Variants in ZDHHC20 observed in about 807,000 individuals in gnomAD.
ZDHHC20 encodes zDHHC palmitoyltransferase 20, also known as palmitoyltransferase ZDHHC20.
In ZDHHC20, 43 loss-of-function variants were observed where a neutral mutation model predicts 57.8. The ratio of observed to expected loss-of-function variants is 0.74; its 90% confidence interval spans 0.58 to 0.96. The LOEUF is 0.96. ZDHHC20 is among the 40% of genes least tolerant of loss of function. ZDHHC20 has a pLI of 0.00. For synonymous variants in ZDHHC20, 157 were observed against 153.0 expected (o/e 1.03, Z -0.19); for missense variants, 391 against 441.1 (o/e 0.89, Z 1.02).
intron 1 of ZDHHC20, among the ~76,000 whole-genome samples, chr13:21,448,262 C>A (rs1240002816): frequency 1.2e-5 from 1 of 82,988 alleles, no homozygotes; most frequent in Non-Finnish European, 3.1e-5. Context: ...CCGGCCGCCC[C>A]TACTGGGAAG....
At chr13:21,443,833 T>C (rs1566112787) in intron 1 of ZDHHC20, among the ~76,000 whole-genome samples, 1 of 152,230 alleles carries the variant, frequency 6.6e-6, no homozygotes, top group Non-Finnish European at 1.5e-5. Flanking sequence ...CTTCCACATG[T>C]GGCTATAGAT....
chr13:21,398,728 A>G (rs889077329), intron 7 of ZDHHC20, among the ~76,000 whole-genome samples: 2 of 152,238 alleles, frequency 1.3e-5, no homozygotes, highest in Non-Finnish European at 2.9e-5. Context: ...ATAAACATAG[A>G]AAGAACAGTG....
intron 7 of ZDHHC20, among the ~76,000 whole-genome samples, chr13:21,393,258 T>G (rs1417149774): frequency 1.3e-5 from 2 of 151,950 alleles, no homozygotes; most frequent in Non-Finnish European, 2.9e-5. Flanking sequence ...ATCCCAGTAC[T>G]TTGGGAGGCG....
chr13:21,382,284 T>C (rs1241309314), intron 10 of ZDHHC20, among the ~76,000 whole-genome samples: 1 of 152,198 alleles, frequency 6.6e-6, no homozygotes, highest in African/African-American at 2.4e-5. Flanking sequence ...AATATTAATA[T>C]GCTAGCTTAG....
intron 5 of ZDHHC20, 143 bp downstream of exon 5, chr13:21,402,654 C>G: frequency 1.6e-6 from 1 of 625,602 alleles, no homozygotes; most frequent in Middle Eastern, 2.6e-4. Context: ...ATATTTTTGT[C>G]TGCCCTGTAT....
At chr13:21,408,708 T>G (rs1447611655) in intron 4 of ZDHHC20, among the ~76,000 whole-genome samples, 2 of 152,222 alleles carry the variant, frequency 1.3e-5, no homozygotes, top group Admixed American at 6.5e-5. Context: ...AAGGGAATGC[T>G]TCCAGCTTTT....
At chr13:21,384,775 C>G (rs562714153) in intron 9 of ZDHHC20, among the ~76,000 whole-genome samples, 7 of 152,132 alleles carry the variant, frequency 4.6e-5, no homozygotes, top group Non-Finnish European at 1.0e-4. Flanking sequence ...CACTACAGAA[C>G]GTAATACTCT....
chr13:21,437,465 T>C (rs1593265711), intron 1 of ZDHHC20, among the ~76,000 whole-genome samples: 1 of 152,180 alleles, frequency 6.6e-6, no homozygotes. Flanking sequence ...AGAGGTCACC[T>C]AGAACTTTCC....
chr13:21,413,847 C>A, intron 3 of ZDHHC20, 75 bp from the exon 4 acceptor site: 3 of 1,339,412 alleles, frequency 2.2e-6, no homozygotes, highest in South Asian at 2.9e-5. Flanking sequence ...AAAGTTTTAT[C>A]TAGAAAAAAG....
In ZDHHC20 at chr13:21,459,291, G is replaced by C. The variant is rs1056112439; in HGVS notation, c.-120C>G. Reference sequence around the variant, plus strand: ...TCCAGCTCCCCCGCCTCCGAGGCAGGACTTGTGGGAGCAAAAGTCCGAGGC... The same window carrying C: ...TCCAGCTCCCCCGCCTCCGAGGCAGCACTTGTGGGAGCAAAAGTCCGAGGC... On this transcript the variant is annotated 5_prime_UTR_variant, in exon 1 of 13. Coordinates refer to ENST00000400590, the MANE Select transcript of ZDHHC20 (RefSeq NM_001330059.2). 2.2e-5 allele frequency: 15 copies of C among 691,672 alleles called. No homozygotes were observed. The South Asian group carries it at 3.1e-4, about 14-fold the overall frequency. 42.8% of individuals were successfully genotyped at this position (691,672 alleles called of 1,614,324 possible).
chr13:21,447,854 C>T (rs1379193412), intron 1 of ZDHHC20, among the ~76,000 whole-genome samples: 29 of 109,042 alleles, frequency 2.7e-4, no homozygotes, highest in African/African-American at 9.1e-4. Flanking sequence ...TCTTCCCAGC[C>T]GCCATCACAT....
In ZDHHC20 at chr13:21,440,629, AGT is replaced by A. The variant is rs764333057; in HGVS notation, c.119-14953_119-14952del. Among the ~76,000 whole-genome samples the A allele has an allele frequency of 3.3e-3, 376 of 115,552 alleles. 4 individuals are homozygous for A. The highest frequency in any genetic ancestry group is 0.014 in the Middle Eastern group (3 of 220). The allele number at this position is 115,552 out of a possible 152,430, so 75.8% of individuals were successfully genotyped here. On this transcript the variant is annotated intron_variant, in intron 1 of 12. Transcript: ENST00000400590. ...TCTGTCCAAAAACAAACAAACAAAAAGTGTGTGTGTGTGTGTGTGTATATATA... is the reference window on the plus strand; with the variant it reads ...TCTGTCCAAAAACAAACAAACAAAAAGTGTGTGTGTGTGTGTGTATATATA...
At chr13:21,403,848 C>T (rs1259666048) in intron 4 of ZDHHC20, among the ~76,000 whole-genome samples, 1 of 152,056 alleles carries the variant, frequency 6.6e-6, no homozygotes. Context: ...CCATCATGCC[C>T]AGGTAATTTT....
Position 21,374,776 on chromosome 13 carries a change from T to C in ZDHHC20, c.*1920A>G. 2 of 240,668 alleles carry C rather than the reference T, an allele frequency of 8.3e-6. No homozygotes were observed. Among genetic ancestry groups the C allele is most frequent in the South Asian group, 5.2e-5 (1 of 19,240 alleles). 14.9% of individuals were successfully genotyped at this position (240,668 alleles called of 1,614,324 possible). Reference sequence around the variant, plus strand: ...CCTACAGTAGCAACCATAAAATTTATGCTGTACTAGGAAATGACAGAGCTA... The same window carrying C: ...CCTACAGTAGCAACCATAAAATTTACGCTGTACTAGGAAATGACAGAGCTA... On this transcript the variant is annotated 3_prime_UTR_variant, in exon 13 of 13. Transcript: ENST00000400590.
intron 1 of ZDHHC20, among the ~76,000 whole-genome samples, chr13:21,444,153 C>G (rs1447233748): frequency 6.6e-6 from 1 of 152,158 alleles, no homozygotes; most frequent in East Asian, 1.9e-4. Context: ...GAGACTCTGT[C>G]TCAAAAAAAT....
At chr13:21,435,120 G>A (rs1882405955) in intron 1 of ZDHHC20, among the ~76,000 whole-genome samples, 2 of 152,112 alleles carry the variant, frequency 1.3e-5, no homozygotes, top group Admixed American at 6.5e-5. Flanking sequence ...CTTTTGGTAT[G>A]GCAGGATAAT....
Position 21,388,086 on chromosome 13 carries a change from T to C in ZDHHC20, c.728-452A>G, listed in dbSNP as rs543230938. On this transcript the variant is annotated intron_variant, in intron 8 of 12. Transcript: ENST00000400590. The stretch of plus-strand genomic sequence containing the variant: ...AATTACAGTGTTATAAGTGCTAACA[T>C]GGCCATGACGTACTGGGAGCACAGA... Among the ~76,000 whole-genome samples the C allele has an allele frequency of 7.9e-5, 12 of 152,252 alleles. No individual in the cohort carries two copies. The South Asian group carries it at 2.5e-3, about 32-fold the overall frequency.
At chr13:21,413,302 T>A (rs1879484860) in intron 4 of ZDHHC20, among the ~76,000 whole-genome samples, 1 of 152,136 alleles carries the variant, frequency 6.6e-6, no homozygotes, top group South Asian at 2.1e-4. Context: ...GATTTTTTTT[T>A]AATTACTCAG....
At chr13:21,455,487 G>A (rs575736690) in intron 1 of ZDHHC20, among the ~76,000 whole-genome samples, 12 of 152,140 alleles carry the variant, frequency 7.9e-5, no homozygotes, top group African/African-American at 2.4e-4. Context: ...AAAATCATAC[G>A]AGAATTTCAG....
Sources: gnomAD v4.1 joint callset for allele counts (sites outside exome capture counted in the v4.1 genomes callset) on GRCh38, gnomAD v4.1.1 for gene constraint, MANE v1.5 for transcripts, NCBI Gene and HGNC (gene_info 2026-07-23, HGNC 2026-07-21) for gene names.